GLB1L3: variants seen among roughly 807,000 people sequenced by gnomAD.
GLB1L3 encodes galactosidase beta 1 like 3.
A neutral mutation model predicts 89.5 loss-of-function variants in GLB1L3; 89 were observed. The ratio of observed to expected loss-of-function variants is 0.99; its 90% CI spans 0.84 to 1.19. The LOEUF (loss-of-function observed/expected upper bound fraction) is 1.19, where lower values mean the gene tolerates loss of function less well. Among genes scored for constraint, GLB1L3 ranks in the 50% most tolerant of loss-of-function variants. GLB1L3 has a pLI of 0.00. For missense variants in GLB1L3, 812 were observed against 813.3 expected (o/e 1.00, Z 0.02); for synonymous variants, 314 against 312.3 (o/e 1.01, Z -0.06).
At position 134,288,778 on chromosome 11, in the gene GLB1L3, C is replaced by G. The variant is rs1474634425; in HGVS notation, c.637-20C>G. On this transcript the variant is annotated intron_variant, in intron 6 of 19. Coordinates refer to ENST00000431683, the MANE Select transcript of GLB1L3 (RefSeq NM_001080407.3). The stretch of plus-strand genomic sequence containing the variant: ...CCCCAAATAGCCTCACTCTTTAACC[C>G]TCCTATGCTTGTTTCTCAGTACCGC... 1 of 1,597,066 alleles carries G rather than the reference C, an allele frequency of 6.3e-7. No individual in the cohort carries two copies. The highest frequency in any genetic ancestry group is 8.6e-7 in the Non-Finnish European group (1 of 1,167,152).
chr11:134,277,085 C>G, intron 1 of GLB1L3: 1 of 609,652 alleles, frequency 1.6e-6, no homozygotes, highest in Non-Finnish European at 2.9e-6. Context: ...ACCGGCACTG[C>G]CCAGCCCTGT....
downstream of GLB1L3, among the ~76,000 whole-genome samples, chr11:134,320,394 T>C (rs1465526969): frequency 6.6e-6 from 1 of 152,146 alleles, no homozygotes. Context: ...ATGAACTCTA[T>C]AGAAACTGCA....
At chr11:134,302,417 T>C (rs1191469245) in intron 9 of GLB1L3, among the ~76,000 whole-genome samples, 1 of 152,224 alleles carries the variant, frequency 6.6e-6, no homozygotes, top group African/African-American at 2.4e-5. Flanking sequence ...TCTCTGACTT[T>C]GGACATCATA....
chr11:134,304,062 G>GT (rs903268715), intron 9 of GLB1L3, among the ~76,000 whole-genome samples: 1 of 151,956 alleles, frequency 6.6e-6, no homozygotes, highest in African/African-American at 2.4e-5. Context: ...TATTATTCCA[G>GT]TTTGTCGGGC....
At chr11:134,308,824 G>A (rs893031277) in intron 10 of GLB1L3, among the ~76,000 whole-genome samples, 2 of 152,184 alleles carry the variant, frequency 1.3e-5, no homozygotes, top group African/African-American at 4.8e-5. Flanking sequence ...TAACAGATCA[G>A]GAAGCAGTGG....
intron 14 of GLB1L3, 44 bp from the exon 15 acceptor site, chr11:134,312,772 C>T (rs200514419): frequency 6.6e-7 from 1 of 1,522,060 alleles, no homozygotes; most frequent in African/African-American, 1.4e-5. Flanking sequence ...TTCTCCCTTT[C>T]TTCGGGTGGG....
At chr11:134,277,256 G>A (rs750033283) in intron 1 of GLB1L3, 70 bp from the exon 2 acceptor site, 13 of 1,605,630 alleles carry the variant, frequency 8.1e-6, no homozygotes, top group Non-Finnish European at 1.0e-5. Flanking sequence ...CCCCGGCACA[G>A]CTTCCCGGCC....
At chr11:134,310,995 C>A in intron 12 of GLB1L3, 69 bp from the exon 13 acceptor site, 1 of 1,062,540 alleles carries the variant, frequency 9.4e-7, no homozygotes, top group Non-Finnish European at 1.5e-6. Flanking sequence ...GCTGGATAGG[C>A]ATGGGGGGCT....
At position 134,293,197 on chromosome 11, in the gene GLB1L3, T is replaced by C. The variant is rs767341451; in HGVS notation, c.864T>C (p.Leu288=). 1.9e-6 allele frequency: 3 copies of C among 1,613,708 alleles called. No individual in the cohort carries two copies. The highest frequency in any genetic ancestry group is 1.1e-5 in the South Asian group (1 of 91,048). ...QKLHQDTFNQ[L]HKVQRDKPLL... The stretch of plus-strand genomic sequence containing the variant: ...TTCACCAGGATACTTTCAATCAGCT[T>C]CATAAAGTCCAGGTAAGACATTTCA... Residue 288 remains leucine, a synonymous_variant, in exon 9 of 20, where the codon CTT becomes CTC. Coordinates refer to ENST00000431683, the MANE Select transcript of GLB1L3 (RefSeq NM_001080407.3).
intron 9 of GLB1L3, among the ~76,000 whole-genome samples, chr11:134,295,565 C>T (rs760749675): frequency 3.9e-5 from 6 of 151,998 alleles, no homozygotes; most frequent in Admixed American, 6.5e-5. Context: ...AATCAGCTTT[C>T]GGCTTGATTT....
downstream of GLB1L3, among the ~76,000 whole-genome samples, chr11:134,319,724 ATGTGTGTGTGTG>A (rs71464005): frequency 1.3e-4 from 17 of 128,284 alleles, no homozygotes; most frequent in East Asian, 3.6e-3. Context: ...CTCTCTGTGT[ATGTGTGTGTGTG>A]TGTGTGTGTG....
chr11:134,296,090 A>G (rs1469797702), intron 9 of GLB1L3, among the ~76,000 whole-genome samples: 9 of 152,212 alleles, frequency 5.9e-5, no homozygotes, highest in Admixed American at 2.6e-4. Context: ...GTCATGAAAA[A>G]ATGCTCACCA....
At position 134,310,605 on chromosome 11, in the gene GLB1L3, C is replaced by T; in HGVS notation, c.1134C>T (p.Tyr378=). 1 of 1,613,504 alleles carries T rather than the reference C, an allele frequency of 6.2e-7. No homozygotes were observed. Among genetic ancestry groups the T allele is most frequent in the Non-Finnish European group, 8.5e-7 (1 of 1,179,648 alleles). ...CAGTGCTCACGGAGGCTGGAGATTA[C>T]ACAGAAAAATATCTGAAGCTTCAAA... The part of the protein sequence containing the change: ...YDAVLTEAGD[Y]TEKYLKLQKL... Residue 378 remains tyrosine, a synonymous_variant, in exon 12 of 20, where the codon TAC becomes TAT. Transcript: ENST00000431683.
At position 134,310,077 on chromosome 11, in the gene GLB1L3, C is replaced by T. The variant is rs763845554; in HGVS notation, c.1099+314C>T. 1.6e-3 allele frequency: 680 copies of T among 432,098 alleles called. 2 individuals are homozygous for T. The highest frequency in any genetic ancestry group is 2.6e-3 in the Non-Finnish European group (612 of 237,992). The allele number at this position is 432,098 out of a possible 1,614,324, so 26.8% of individuals were successfully genotyped here. ...CTGTAAAGGCACAGACCTGCACGGCCGGGCGATACAGACTGAGCAAAGAAA... is the reference window on the plus strand; with the variant it reads ...CTGTAAAGGCACAGACCTGCACGGCTGGGCGATACAGACTGAGCAAAGAAA... On this transcript the variant is annotated intron_variant, in intron 11 of 19. Transcript: ENST00000431683.
At chr11:134,288,380 C>A (rs1460845226) in intron 6 of GLB1L3, among the ~76,000 whole-genome samples, 1 of 152,042 alleles carries the variant, frequency 6.6e-6, no homozygotes, top group African/African-American at 2.4e-5. Context: ...GTCAAAGGCA[C>A]GGAGGGGAGA....
At chr11:134,308,498 A>ACCACC (rs1565414080) in intron 10 of GLB1L3, among the ~76,000 whole-genome samples, 4 of 5,690 alleles carry the variant, frequency 7.0e-4, no homozygotes, top group Admixed American at 1.9e-3. Context: ...ATCACCACCA[A>ACCACC]ATACCACCAC....
At position 134,311,080 on chromosome 11, in the gene GLB1L3, AG is replaced by A; in HGVS notation, c.1198del (p.Val400TyrfsTer13). 1 of 1,613,778 alleles carries A rather than the reference AG, an allele frequency of 6.2e-7. No homozygotes were observed. The highest frequency in any genetic ancestry group is 1.1e-5 in the South Asian group (1 of 91,044). ...CCATTGCAGCAACTCCCCTGCCCCGAGTACCCAAACTTCCTCCCAAGGCTGT... is the reference window on the plus strand; with the variant it reads ...CCATTGCAGCAACTCCCCTGCCCCGATACCCAAACTTCCTCCCAAGGCTGT... Reference protein sequence around the residue: ...QSVSATPLPRVPKLPPKAVYP... With the variant: ...QSVSATPLPRXPKLPPKAVYP... On this transcript the variant is annotated frameshift_variant, in exon 13 of 20. Coordinates refer to ENST00000431683, the MANE Select transcript of GLB1L3 (RefSeq NM_001080407.3). LOFTEE classifies it high-confidence loss of function.
chr11:134,292,050 A>G (rs1462135698), intron 7 of GLB1L3, 82 bp from the exon 8 acceptor site: 6 of 927,742 alleles, frequency 6.5e-6, no homozygotes, highest in Non-Finnish European at 1.0e-5. Flanking sequence ...TGCAGAACCC[A>G]TGAATATGGG....
At chr11:134,312,137 C>T (rs913377415) in intron 13 of GLB1L3, 2 of 563,122 alleles carry the variant, frequency 3.6e-6, no homozygotes. Flanking sequence ...ATAACGATTG[C>T]TCCCTCATCA....
Sources: gnomAD v4.1 joint callset for allele counts (sites outside exome capture counted in the v4.1 genomes callset) on GRCh38, gnomAD v4.1.1 for gene constraint, MANE v1.5 for transcripts, NCBI Gene and HGNC (gene_info 2026-07-23, HGNC 2026-07-21) for gene names.